DYNC1I1: variants seen among roughly 807,000 people sequenced by gnomAD.
DYNC1I1 encodes the protein cytoplasmic dynein 1 intermediate chain 1.
A neutral mutation model predicts 86.6 loss-of-function variants in DYNC1I1; 43 were observed. That is an observed-to-expected ratio of 0.50 (90% CI 0.39 to 0.64). DYNC1I1 has a LOEUF of 0.64. DYNC1I1 is among the 30% of genes least tolerant of loss of function. DYNC1I1 has a pLI of 0.00. For missense variants in DYNC1I1, 604 were observed against 788.8 expected, an observed-to-expected ratio of 0.77 and a Z score of 2.81; for synonymous variants, 262 against 283.7, an observed-to-expected ratio of 0.92 and a Z score of 0.77.
intron 16 of DYNC1I1, among the ~76,000 whole-genome samples, chr7:96,096,824 C>T (rs1348384904): frequency 2.0e-5 from 3 of 152,048 alleles, no homozygotes; most frequent in Non-Finnish European, 4.4e-5. Context: ...ATTATTTAAT[C>T]TTTCTGTGCC....
chr7:96,030,043 A>T (rs1584262892), intron 11 of DYNC1I1, among the ~76,000 whole-genome samples: 1 of 139,430 alleles, frequency 7.2e-6, no homozygotes, highest in Non-Finnish European at 1.6e-5. Context: ...GTTTTCTCTA[A>T]TCTATAGCTA....
intron 16 of DYNC1I1, among the ~76,000 whole-genome samples, chr7:96,093,242 C>T (rs962834460): frequency 1.3e-5 from 2 of 152,116 alleles, no homozygotes; most frequent in Non-Finnish European, 2.9e-5. Flanking sequence ...ACTTTGATTA[C>T]CTTTCTCATG....
At chr7:95,995,924 A>G (rs367958618) in intron 9 of DYNC1I1, 24 bp from the exon 10 acceptor site, 199 of 1,565,694 alleles carry the variant, frequency 1.3e-4, no homozygotes, top group Non-Finnish European at 1.6e-4. Context: ...AGCATAATTC[A>G]TCCTTGTGAC....
intron 6 of DYNC1I1, among the ~76,000 whole-genome samples, chr7:95,953,322 T>C (rs1241394147): frequency 1.3e-5 from 2 of 151,934 alleles, no homozygotes; most frequent in African/African-American, 4.8e-5. Context: ...AAATGGGTGC[T>C]GTAAAAACTG....
chr7:95,904,406 C>A (rs1441611958), intron 6 of DYNC1I1, among the ~76,000 whole-genome samples: 2 of 152,002 alleles, frequency 1.3e-5, no homozygotes, highest in South Asian at 2.1e-4. Context: ...GCTAATTCTG[C>A]AAAAGAGAAG....
intron 1 of DYNC1I1, among the ~76,000 whole-genome samples, chr7:95,798,752 G>T (rs1261679856): frequency 6.6e-6 from 1 of 152,132 alleles, no homozygotes; most frequent in Non-Finnish European, 1.5e-5. Context: ...CTAAGCTTTG[G>T]GAGGTGCTGT....
chr7:96,096,942 A>G lies in DYNC1I1; in HGVS notation c.1777-541A>G, dbSNP rs574917456. Among the ~76,000 whole-genome samples the G allele has an allele frequency of 3.3e-5, 5 of 152,286 alleles. No homozygotes were observed. In the South Asian group the frequency reaches 6.2e-4, roughly 19 times the overall value. On this transcript the variant is annotated intron_variant, in intron 16 of 16. Coordinates refer to ENST00000447467, the MANE Select transcript of DYNC1I1 (RefSeq NM_001135556.2). ...GTAAATAATAGCTACTATTACTACT[A>G]TTCATAGTTATCATCATATAAATCT...
chr7:96,011,192 T>G (rs1794267619), intron 10 of DYNC1I1, among the ~76,000 whole-genome samples: 1 of 152,218 alleles, frequency 6.6e-6, no homozygotes, highest in African/African-American at 2.4e-5. Flanking sequence ...GTGACATTTC[T>G]TGACTGTGGA....
At chr7:95,857,738 C>G (rs1245152053) in intron 5 of DYNC1I1, among the ~76,000 whole-genome samples, 3 of 152,214 alleles carry the variant, frequency 2.0e-5, no homozygotes, top group African/African-American at 7.2e-5. Flanking sequence ...ATTGAAGATT[C>G]ACTCTGACAA....
chr7:95,838,731 T>C (rs1789187355), intron 5 of DYNC1I1, among the ~76,000 whole-genome samples: 1 of 152,156 alleles, frequency 6.6e-6, no homozygotes, highest in African/African-American at 2.4e-5. Flanking sequence ...CATAGTTCTT[T>C]TATGTAGAGA....
chr7:95,984,848 A>G lies in DYNC1I1; in HGVS notation c.614A>G (p.Gln205Arg), dbSNP rs781589500. 3 of 1,612,618 alleles carry G rather than the reference A, an allele frequency of 1.9e-6. No individual in the cohort carries two copies. Among genetic ancestry groups the G allele is most frequent in the Non-Finnish European group, 2.5e-6 (3 of 1,179,452 alleles). Reference sequence around the variant, plus strand: ...AGAGAGTTGACAGAGGAAGAAAAACAGCAGATCCTTCATTCAGAGGAATTT... The same window carrying G: ...AGAGAGTTGACAGAGGAAGAAAAACGGCAGATCCTTCATTCAGAGGAATTT... ...PPRELTEEEK[Q>R]QILHSEEFLI... Residue 205 changes from glutamine (Q) to arginine (R), a missense_variant, in exon 8 of 17, where the codon CAG (glutamine) becomes CGG (arginine). Transcript: ENST00000447467.
intron 6 of DYNC1I1, among the ~76,000 whole-genome samples, chr7:95,896,845 A>C (rs1790895230): frequency 1.3e-5 from 2 of 152,370 alleles, no homozygotes; most frequent in South Asian, 4.1e-4. Context: ...TGAAAGCTAA[A>C]CAGTAAAATT....
chr7:95,945,655 A>C (rs1418450963), intron 6 of DYNC1I1, among the ~76,000 whole-genome samples: 3 of 152,088 alleles, frequency 2.0e-5, no homozygotes, highest in Non-Finnish European at 2.9e-5. Context: ...AGCATTAAAC[A>C]TCAGGTATTT....
intron 16 of DYNC1I1, among the ~76,000 whole-genome samples, chr7:96,093,128 T>C (rs1009264206): frequency 2.6e-5 from 4 of 152,242 alleles, no homozygotes; most frequent in Admixed American, 6.5e-5. Flanking sequence ...AAAATTGGTA[T>C]GCATGCCACA....
chr7:95,980,536 C>CTTTTT (rs56835338), intron 7 of DYNC1I1, among the ~76,000 whole-genome samples: 3 of 54,430 alleles, frequency 5.5e-5, no homozygotes, highest in Non-Finnish European at 1.0e-4. Flanking sequence ...AGAAATCTGG[C>CTTTTT]TTTTTTTTTT....
At chr7:96,093,424 A>G (rs1790904988) in intron 16 of DYNC1I1, among the ~76,000 whole-genome samples, 1 of 152,172 alleles carries the variant, frequency 6.6e-6, no homozygotes. Flanking sequence ...CCAAATTGCT[A>G]CCTCAGTAAC....
At chr7:95,775,301 GCTCTT>G (rs1165087793) in intron 1 of DYNC1I1, among the ~76,000 whole-genome samples, 6 of 152,168 alleles carry the variant, frequency 3.9e-5, no homozygotes, top group Non-Finnish European at 5.9e-5. Context: ...TGAATACCAA[GCTCTT>G]CTCTTATCTC....
At chr7:96,046,576 G>T (rs1156962821) in intron 14 of DYNC1I1, among the ~76,000 whole-genome samples, 1 of 152,180 alleles carries the variant, frequency 6.6e-6, no homozygotes. Context: ...AGATTTGGGT[G>T]ACCCCAAAGA....
At chr7:96,104,121 A>G (rs1447352092) in intron 16 of DYNC1I1, among the ~76,000 whole-genome samples, 3 of 152,146 alleles carry the variant, frequency 2.0e-5, no homozygotes, top group African/African-American at 7.2e-5. Flanking sequence ...CCCTTCTAGT[A>G]TCTTGGCCAC....
Sources: gnomAD v4.1 joint callset for allele counts (sites outside exome capture counted in the v4.1 genomes callset) on GRCh38, gnomAD v4.1.1 for gene constraint, MANE v1.5 for transcripts, NCBI Gene and HGNC (gene_info 2026-07-23, HGNC 2026-07-21) for gene names.